RALGAPA2: variants seen among roughly 807,000 people sequenced by gnomAD.
RALGAPA2 encodes the protein Ral GTPase activating protein catalytic subunit alpha 2.
A neutral mutation model predicts 230.4 loss-of-function variants in RALGAPA2; 139 were observed. That is an observed-to-expected ratio of 0.60 (90% CI 0.53 to 0.69). The LOEUF (loss-of-function observed/expected upper bound fraction) is 0.69. Ranked by LOEUF, RALGAPA2 falls within the 30% of genes least tolerant of loss-of-function variation. The pLI is 0.00. For synonymous variants in RALGAPA2, 847 were observed against 837.8 expected, an observed-to-expected ratio of 1.01 and a Z score of -0.19; for missense variants, 2,163 against 2,276.0, an observed-to-expected ratio of 0.95 and a Z score of 1.01.
chr20:20,527,604 A>ACCCCCCCCCCCCCCCCCC (rs2063248834), intron 27 of RALGAPA2, among the ~76,000 whole-genome samples: 1 of 147,058 alleles, frequency 6.8e-6, no homozygotes, highest in African/African-American at 2.6e-5. Context: ...CCCTCCCCCC[A>ACCCCCCCCCCCCCCCCCC]CACCCCCAAG....
chr20:20,568,310 G>C (rs1293304708), intron 23 of RALGAPA2, among the ~76,000 whole-genome samples: 1 of 152,050 alleles, frequency 6.6e-6, no homozygotes, highest in Non-Finnish European at 1.5e-5. Flanking sequence ...ATGTACCGGG[G>C]GAAATACTAC....
intron 16 of RALGAPA2, among the ~76,000 whole-genome samples, chr20:20,593,068 C>G (rs1304036623): frequency 6.6e-6 from 1 of 152,192 alleles, no homozygotes; most frequent in African/African-American, 2.4e-5. Context: ...CTGGTGCACA[C>G]CACTATACCC....
intron 33 of RALGAPA2, among the ~76,000 whole-genome samples, chr20:20,509,257 A>G (rs534467019): frequency 6.6e-6 from 1 of 152,322 alleles, no homozygotes; most frequent in Non-Finnish European, 1.5e-5. Context: ...GTGAAGGGCA[A>G]GGTGAGAAAT....
rs368184772 is a variant in RALGAPA2, at chr20:20,571,501, T to A, written c.3113A>T (p.His1038Leu). ...DVLPNSDFLVHFYLVMHLGLT... is the reference protein window; with the variant it reads ...DVLPNSDFLVLFYLVMHLGLT... ...TCCCAGGTGCATCACAAGGTAAAAA[T>A]GCACCAGGAAATCTGAGTTTGGCAG... The change falls in exon 23 of 40, where the codon CAT becomes CTT. Residue 1038 changes from histidine to leucine, a missense_variant. His to Leu is a moderately conservative substitution (Grantham distance 99). Coordinates refer to ENST00000202677, the MANE Select transcript of RALGAPA2 (RefSeq NM_020343.4). 3.2e-5 allele frequency: 51 copies of A among 1,612,726 alleles called. No homozygotes were observed. The highest frequency in any genetic ancestry group is 4.2e-5 in the Non-Finnish European group (50 of 1,179,614).
At chr20:20,453,811 G>T (rs547134584) in intron 37 of RALGAPA2, among the ~76,000 whole-genome samples, 1 of 152,210 alleles carries the variant, frequency 6.6e-6, no homozygotes, top group African/African-American at 2.4e-5. Flanking sequence ...GGAAATGGCC[G>T]ATGGGTATTT....
intron 6 of RALGAPA2, among the ~76,000 whole-genome samples, chr20:20,640,362 T>C (rs2066991782): frequency 6.6e-6 from 1 of 152,054 alleles, no homozygotes; most frequent in African/African-American, 2.4e-5. Flanking sequence ...ATAAGAACAA[T>C]AAAAACAATA....
chr20:20,690,899 C>T (rs1038065565), intron 1 of RALGAPA2, among the ~76,000 whole-genome samples: 10 of 152,186 alleles, frequency 6.6e-5, no homozygotes, highest in African/African-American at 2.4e-4. Context: ...ATATTTCCCA[C>T]ATCCCAAGAC....
chr20:20,682,852 C>T (rs2068568372), intron 1 of RALGAPA2, among the ~76,000 whole-genome samples: 1 of 152,162 alleles, frequency 6.6e-6, no homozygotes, highest in Non-Finnish European at 1.5e-5. Flanking sequence ...AACCCTCAAT[C>T]CTTGGGGCAA....
At chr20:20,506,252 T>C (rs2062530956) in intron 33 of RALGAPA2, among the ~76,000 whole-genome samples, 1 of 152,062 alleles carries the variant, frequency 6.6e-6, no homozygotes. Flanking sequence ...CAAGCAAAAG[T>C]GATGTGTACT....
At chr20:20,643,592 G>A (rs1479065756) in intron 4 of RALGAPA2, 43 bp from the exon 5 acceptor site, 4 of 1,351,042 alleles carry the variant, frequency 3.0e-6, no homozygotes, top group Non-Finnish European at 4.0e-6. Flanking sequence ...GTATATAAAT[G>A]CATATCAAAG....
At position 20,559,066 on chromosome 20, in the gene RALGAPA2, G is replaced by A. The variant is rs376335398; in HGVS notation, c.3157-12234C>T. Among the ~76,000 whole-genome samples, 143 of 152,274 alleles carry A rather than the reference G, an allele frequency of 9.4e-4. No individual in the cohort carries two copies. In the Middle Eastern group the frequency reaches 0.024, roughly 25 times the overall value. On this transcript the variant is annotated intron_variant, in intron 23 of 39. Transcript: ENST00000202677. Reference sequence around the variant, plus strand: ...TGGTTTGTTCCCTTATCAGTAAAGAGATTAATTTTAGAATATGATTATTAT... The same window carrying A: ...TGGTTTGTTCCCTTATCAGTAAAGAAATTAATTTTAGAATATGATTATTAT...
chr20:20,506,585 C>A (rs2062542984), intron 33 of RALGAPA2, among the ~76,000 whole-genome samples: 1 of 152,084 alleles, frequency 6.6e-6, no homozygotes, highest in Non-Finnish European at 1.5e-5. Flanking sequence ...CAGAGCGGTT[C>A]CAACTTTCTC....
chr20:20,400,874 G>C (rs149279659), intron 38 of RALGAPA2, among the ~76,000 whole-genome samples: 1 of 152,252 alleles, frequency 6.6e-6, no homozygotes, highest in Non-Finnish European at 1.5e-5. Context: ...TACCGATATG[G>C]GCTACACATG....
rs141202197 is a variant in RALGAPA2 at position 20,398,034 on chromosome 20, T to G, written c.5618-1300A>C. Among the ~76,000 whole-genome samples the G allele has an allele frequency of 4.1e-3, 631 of 152,302 alleles. 7 individuals are homozygous for G. The highest frequency in any genetic ancestry group is 0.014 in the African/African-American group (602 of 41,570). ...TGTTTTCCATGGATCCTCGGGATGATTAATCATTTAGATTTCTGATTTCCC... is the reference window on the plus strand; with the variant it reads ...TGTTTTCCATGGATCCTCGGGATGAGTAATCATTTAGATTTCTGATTTCCC... On this transcript the variant is annotated intron_variant, in intron 38 of 39. Coordinates refer to ENST00000202677, the MANE Select transcript of RALGAPA2 (RefSeq NM_020343.4). The surrounding 1 kb of genome is among the most constrained non-coding windows in gnomAD (Gnocchi z 4.5).
chr20:20,414,819 T>C (rs1257273604), intron 37 of RALGAPA2, among the ~76,000 whole-genome samples: 1 of 152,220 alleles, frequency 6.6e-6, no homozygotes, highest in Non-Finnish European at 1.5e-5. Flanking sequence ...TGCCCCCGAC[T>C]GTCACACACA....
intron 20 of RALGAPA2, among the ~76,000 whole-genome samples, chr20:20,579,201 A>T (rs1186179571): frequency 6.6e-6 from 1 of 152,212 alleles, no homozygotes; most frequent in Non-Finnish European, 1.5e-5. Context: ...TGTCTTATGT[A>T]TTATTTCTAA....
Position 20,468,165 on chromosome 20 carries a change from A to C in RALGAPA2, c.5495+4664T>G, listed in dbSNP as rs558982634. Among the ~76,000 whole-genome samples, 7 of 152,328 alleles carry C rather than the reference A, an allele frequency of 4.6e-5. 1 individual carries two copies. In the South Asian group the frequency reaches 1.4e-3, roughly 32 times the overall value. ...AAAAATAGTAGTGCCTCTTGTTTGC[A>C]TCTCTCAGAAGAGAGATGAGATTGT... On this transcript the variant is annotated intron_variant, in intron 37 of 39. Transcript: ENST00000202677.
chr20:20,451,765 G>A (rs1332234600), intron 37 of RALGAPA2, among the ~76,000 whole-genome samples: 1 of 152,126 alleles, frequency 6.6e-6, no homozygotes, highest in African/African-American at 2.4e-5. Context: ...AAGATCCCAT[G>A]TATTTATTTT....
chr20:20,511,127 C>T, intron 33 of RALGAPA2, 127 bp downstream of exon 33: 1 of 1,437,170 alleles, frequency 7.0e-7, no homozygotes, highest in Non-Finnish European at 9.2e-7. Flanking sequence ...CAAATGTCAC[C>T]AGATGCTAGG....
Sources: allele counts gnomAD v4.1 joint callset (sites outside exome capture counted in the v4.1 genomes callset), GRCh38; gene constraint gnomAD v4.1.1; non-coding constraint Gnocchi (gnomAD v3.1); transcripts MANE v1.5; gene names NCBI Gene and HGNC (gene_info 2026-07-23, HGNC 2026-07-21).